FRMD4B: variants seen among roughly 807,000 people sequenced by gnomAD.
The protein encoded by FRMD4B is FERM domain-containing protein 4B.
Under a neutral mutation model 141.5 loss-of-function variants are expected in FRMD4B, and 74 were observed. That is an observed-to-expected ratio of 0.52 (90% CI 0.43 to 0.63). The LOEUF is 0.63. Among genes scored for constraint, FRMD4B ranks in the 30% least tolerant of loss-of-function variants. The pLI, the probability that FRMD4B is intolerant of heterozygous loss-of-function variation, is 0.00. For synonymous variants in FRMD4B, 506 were observed against 467.9 expected, an observed-to-expected ratio of 1.08 and a Z score of -1.05; for missense variants, 1,366 against 1,253.4, an observed-to-expected ratio of 1.09 and a Z score of -1.36.
At chr3:69,314,553 G>A (rs149468593) in intron 1 of FRMD4B, among the ~76,000 whole-genome samples, 9 of 149,810 alleles carry the variant, frequency 6.0e-5, no homozygotes, top group Non-Finnish European at 1.2e-4. Flanking sequence ...CCTTTATTCA[G>A]CTGGGTACAG....
chr3:69,266,078 T>C (rs546387079), intron 5 of FRMD4B, among the ~76,000 whole-genome samples: 3 of 152,032 alleles, frequency 2.0e-5, no homozygotes, highest in African/African-American at 4.8e-5. Flanking sequence ...GGCATGCACC[T>C]GTAGTCCCAG....
chr3:69,288,628 C>T (rs1053382366), intron 4 of FRMD4B, among the ~76,000 whole-genome samples: 6 of 152,186 alleles, frequency 3.9e-5, no homozygotes, highest in Non-Finnish European at 7.3e-5. Context: ...GGCCGGCTTG[C>T]AAAGGCTGGC....
chr3:69,203,060 A>T (rs187696673), intron 11 of FRMD4B, among the ~76,000 whole-genome samples: 73 of 151,770 alleles, frequency 4.8e-4, no homozygotes, highest in African/African-American at 1.7e-3. Context: ...CATCACAAGA[A>T]ATTCCCTTAA....
chr3:69,511,657 G>T (rs1205858138), intron 1 of FRMD4B, among the ~76,000 whole-genome samples: 1 of 152,102 alleles, frequency 6.6e-6, no homozygotes, highest in African/African-American at 2.4e-5. Flanking sequence ...GTGCATCTTG[G>T]GCTAAGAACA....
intron 20 of FRMD4B, 139 bp from the exon 21 acceptor site, chr3:69,181,849 T>C (rs1170967570): frequency 1.6e-6 from 1 of 608,404 alleles, no homozygotes; most frequent in Non-Finnish European, 2.9e-6. Context: ...GACTGCACAA[T>C]AGAATCCATT....
intron 1 of FRMD4B, chr3:69,377,037 A>G (rs1385267208): frequency 6.6e-6 from 1 of 152,132 alleles, no homozygotes; most frequent in South Asian, 2.1e-4. Flanking sequence ...CAAAGGTTCA[A>G]AAATGCTTTT....
At chr3:69,358,825 G>A (rs1373105438) in intron 1 of FRMD4B, among the ~76,000 whole-genome samples, 1 of 152,186 alleles carries the variant, frequency 6.6e-6, no homozygotes, top group Non-Finnish European at 1.5e-5. Context: ...AAGTAGATGA[G>A]TTATCATGGA....
chr3:69,330,787 A>G (rs1048243266), intron 1 of FRMD4B, among the ~76,000 whole-genome samples: 43 of 151,996 alleles, frequency 2.8e-4, no homozygotes, highest in African/African-American at 1.0e-3. Flanking sequence ...GTGTGCCACC[A>G]CGCCCGGCCT....
At chr3:69,212,588 T>C (rs1395894040) in intron 11 of FRMD4B, among the ~76,000 whole-genome samples, 1 of 152,108 alleles carries the variant, frequency 6.6e-6, no homozygotes, top group African/African-American at 2.4e-5. Context: ...TGCCAATTTC[T>C]ATGAAACTGT....
intron 1 of FRMD4B, among the ~76,000 whole-genome samples, chr3:69,479,480 A>G (rs985574611): frequency 6.6e-5 from 10 of 151,868 alleles, no homozygotes; most frequent in Non-Finnish European, 1.3e-4. Flanking sequence ...TAGTTTGGCT[A>G]GATATGAAAT....
intron 11 of FRMD4B, among the ~76,000 whole-genome samples, chr3:69,213,953 C>T (rs1394652155): frequency 1.3e-5 from 2 of 151,970 alleles, no homozygotes; most frequent in South Asian, 2.1e-4. Flanking sequence ...ACTGGGATTA[C>T]AGGCATGAGC....
chr3:69,509,151 A>G (rs1332848341), intron 1 of FRMD4B, among the ~76,000 whole-genome samples: 1 of 152,180 alleles, frequency 6.6e-6, no homozygotes, highest in African/African-American at 2.4e-5. Context: ...CTCCAGAATG[A>G]CATCTCTCCA....
At chr3:69,402,101 T>A (rs1704572707) in intron 2 of FRMD4B, among the ~76,000 whole-genome samples, 1 of 152,190 alleles carries the variant, frequency 6.6e-6, no homozygotes, top group Non-Finnish European at 1.5e-5. Flanking sequence ...ACTATTGCAG[T>A]CATGGGTGAT....
chr3:69,172,140 T>C (rs911477121), intron 22 of FRMD4B, among the ~76,000 whole-genome samples, 159 bp from the exon 23 acceptor site: 1 of 152,222 alleles, frequency 6.6e-6, no homozygotes, highest in African/African-American at 2.4e-5. Flanking sequence ...GCATGTTCTT[T>C]CAATGTCATA....
intron 1 of FRMD4B, among the ~76,000 whole-genome samples, chr3:69,487,284 C>G (rs184749318): frequency 8.5e-5 from 13 of 152,290 alleles, no homozygotes; most frequent in Non-Finnish European, 1.5e-4. Context: ...TTTAAATCTT[C>G]AAAAGCTTTC....
At chr3:69,477,211 G>A (rs1458946455) in intron 1 of FRMD4B, among the ~76,000 whole-genome samples, 1 of 152,008 alleles carries the variant, frequency 6.6e-6, no homozygotes, top group South Asian at 2.1e-4. Flanking sequence ...TCTCCTGCCT[G>A]ATTTCTCTGG....
At chr3:69,345,197 C>T (rs1368242124) in intron 1 of FRMD4B, among the ~76,000 whole-genome samples, 1 of 152,248 alleles carries the variant, frequency 6.6e-6, no homozygotes, top group East Asian at 1.9e-4. Context: ...ATATCCTGCA[C>T]CTGACTCGGA....
chr3:69,492,735 C>G (rs934916463), intron 1 of FRMD4B, among the ~76,000 whole-genome samples: 3 of 152,320 alleles, frequency 2.0e-5, no homozygotes, highest in Non-Finnish European at 4.4e-5. Flanking sequence ...TTTAGGCGGT[C>G]ATGATTTTTG....
At chr3:69,199,113 A>G (rs575029228) in intron 11 of FRMD4B, 1 of 195,148 alleles carries the variant, frequency 5.1e-6, no homozygotes, top group African/African-American at 2.4e-5. Context: ...TACTAAAAAT[A>G]CAAAAAAAAT....
Sources: gnomAD v4.1 joint callset for allele counts (sites outside exome capture counted in the v4.1 genomes callset) on GRCh38, gnomAD v4.1.1 for gene constraint, MANE v1.5 for transcripts, NCBI Gene and HGNC (gene_info 2026-07-23, HGNC 2026-07-21) for gene names.